The following PJA2 variants were observed in gnomAD, a reference collection of about 807,000 sequenced individuals.
PJA2 encodes the protein E3 ubiquitin-protein ligase Praja-2.
PJA2 carries 25 observed loss-of-function variants against 69.3 expected under a neutral mutation model. That is an observed-to-expected ratio of 0.36 (90% CI 0.26 to 0.50). The LOEUF (loss-of-function observed/expected upper bound fraction) is 0.50. Among genes scored for constraint, PJA2 ranks in the 20% least tolerant of loss-of-function variants. PJA2 has a pLI of 0.96. For missense variants in PJA2, 809 were observed against 830.2 expected, an observed-to-expected ratio of 0.97 and a Z score of 0.31; for synonymous variants, 308 against 277.8, an observed-to-expected ratio of 1.11 and a Z score of -1.08.
chr5:109,348,768 C>T (rs1232824888), intron 7 of PJA2, among the ~76,000 whole-genome samples: 1 of 152,124 alleles, frequency 6.6e-6, no homozygotes, highest in Non-Finnish European at 1.5e-5. Flanking sequence ...TGGCTGAGGG[C>T]AGGGAAAATA....
rs73209517 is a variant in PJA2, at chr5:109,384,556, A to G, written c.-87-1036T>C. ...TTATTTAAACACTTGAGCTACTGCT[A>G]ATTGCTCATCATTAATGCAATAGCT... is the stretch of plus-strand genomic sequence containing the variant. On this transcript the variant is annotated intron_variant, in intron 1 of 9. Coordinates refer to ENST00000361189, the MANE Select transcript of PJA2 (RefSeq NM_014819.5). Among the ~76,000 whole-genome samples, 1,281 of 152,296 alleles carry G rather than the reference A, an allele frequency of 8.4e-3. 14 individuals are homozygous for G. Among genetic ancestry groups the G allele is most frequent in the African/African-American group, 0.029 (1,219 of 41,558 alleles).
chr5:109,343,446 A>G (rs437112), intron 9 of PJA2, among the ~76,000 whole-genome samples: 74,584 of 150,554 alleles, frequency 0.5, 19,805 homozygotes, highest in Middle Eastern at 0.6. Flanking sequence ...GTTATTAAGT[A>G]TCTCTCATAT....
At chr5:109,345,067 G>A (rs1762150645) in intron 7 of PJA2, among the ~76,000 whole-genome samples, 1 of 151,732 alleles carries the variant, frequency 6.6e-6, no homozygotes, top group Non-Finnish European at 1.5e-5. Flanking sequence ...TCTCGGCCGG[G>A]CGCAATGGCT....
At chr5:109,383,365 CAAG>C (rs756285223) in intron 2 of PJA2, 35 bp downstream of exon 2, 7 of 1,601,552 alleles carry the variant, frequency 4.4e-6, no homozygotes, top group African/African-American at 1.3e-5. Flanking sequence ...GAGGAAAAAA[CAAG>C]AAGTACTCAA....
chr5:109,365,484 C>A (rs1007265301), intron 5 of PJA2, among the ~76,000 whole-genome samples: 1 of 152,030 alleles, frequency 6.6e-6, no homozygotes, highest in Non-Finnish European at 1.5e-5. Context: ...TTTATGTGTA[C>A]GGAAGATCTT....
At chr5:109,347,392 G>C (rs1450991021) in intron 7 of PJA2, among the ~76,000 whole-genome samples, 1 of 152,236 alleles carries the variant, frequency 6.6e-6, no homozygotes, top group East Asian at 1.9e-4. Context: ...AGTGTGCCAG[G>C]CTTCCCTGTG....
chr5:109,341,967 C>G (rs1267721796), intron 9 of PJA2, among the ~76,000 whole-genome samples: 1 of 128,554 alleles, frequency 7.8e-6, no homozygotes, highest in African/African-American at 2.9e-5. Context: ...AGGAGCCCCT[C>G]TGCCCGGCCA....
chr5:109,387,346 G>A (rs1177907791), intron 1 of PJA2, among the ~76,000 whole-genome samples: 1 of 152,004 alleles, frequency 6.6e-6, no homozygotes, highest in Admixed American at 6.6e-5. Flanking sequence ...AAGAAAAAAA[G>A]CAAAACAGGG....
chr5:109,352,856 TATC>T (rs1762279594), intron 7 of PJA2, among the ~76,000 whole-genome samples: 1 of 150,458 alleles, frequency 6.6e-6, no homozygotes, highest in Non-Finnish European at 1.5e-5. Context: ...ATATCTACAA[TATC>T]ATAGACATCT....
intron 4 of PJA2, among the ~76,000 whole-genome samples, chr5:109,375,784 G>A (rs1433171370): frequency 6.6e-6 from 1 of 152,108 alleles, no homozygotes; most frequent in Non-Finnish European, 1.5e-5. Context: ...TCAGGGAGAT[G>A]AACAAGGGCA....
chr5:109,393,688 T>C (rs1747333814), intron 1 of PJA2, among the ~76,000 whole-genome samples: 1 of 152,058 alleles, frequency 6.6e-6, no homozygotes, highest in Non-Finnish European at 1.5e-5. Context: ...CCATAATAAT[T>C]CCAAACTGTA....
chr5:109,342,538 C>T (rs1477527365), intron 9 of PJA2, among the ~76,000 whole-genome samples: 4 of 122,460 alleles, frequency 3.3e-5, no homozygotes, highest in Non-Finnish European at 7.0e-5. Context: ...GGGTCAGCTC[C>T]CCCACCCGGC....
chr5:109,367,475 A>C lies in PJA2; in HGVS notation c.1469+1086T>G, dbSNP rs1582604200. Among the ~76,000 whole-genome samples the C allele has an allele frequency of 2.6e-5, 4 of 152,092 alleles. No individual in the cohort carries two copies. The East Asian group carries it at 7.7e-4, about 29-fold the overall frequency. ...TATCATAGAAAAAAATTAAATTATC[A>C]AAAAGATATTCTACAATAAAACAAG... On this transcript the variant is annotated intron_variant, in intron 5 of 9. Transcript: ENST00000361189.
chr5:109,339,376 C>T (rs776337397), intron 9 of PJA2, among the ~76,000 whole-genome samples: 8 of 152,138 alleles, frequency 5.3e-5, no homozygotes, highest in Non-Finnish European at 8.8e-5. Flanking sequence ...CCTAAAAGCC[C>T]TGACTTGACC....
rs75679188 is a variant in PJA2, at chr5:109,394,039, CTTTTTT to C, written c.-87-10525_-87-10520del. ...GATGTGCTAGTAACATTCTAATTCT[CTTTTTT>C]TTTTTTTTTTTTTTTTTTTGGAGAC... is the stretch of plus-strand genomic sequence containing the variant. On this transcript the variant is annotated intron_variant, in intron 1 of 9. Transcript: ENST00000361189. Among the ~76,000 whole-genome samples, 162 of 81,864 alleles carry C rather than the reference CTTTTTT, an allele frequency of 2.0e-3. 1 individual carries two copies. In the South Asian group the frequency reaches 0.045, roughly 23 times the overall value. The allele number at this position is 81,864 out of a possible 152,430, so 53.7% of individuals were successfully genotyped here.
intron 3 of PJA2, among the ~76,000 whole-genome samples, chr5:109,380,583 G>A (rs935294230): frequency 4.6e-5 from 7 of 150,690 alleles, no homozygotes; most frequent in East Asian, 2.0e-4. Flanking sequence ...TGAGTTGGAC[G>A]GACCACTTGA....
chr5:109,340,445 T>C (rs1358634007), intron 9 of PJA2, among the ~76,000 whole-genome samples: 2 of 151,718 alleles, frequency 1.3e-5, no homozygotes, highest in East Asian at 3.9e-4. Flanking sequence ...CACTGGTTTA[T>C]AGGGAAGAAA....
At chr5:109,353,471 A>C (rs1239190603) in intron 7 of PJA2, among the ~76,000 whole-genome samples, 1 of 106,880 alleles carries the variant, frequency 9.4e-6, no homozygotes, top group Non-Finnish European at 2.2e-5. Flanking sequence ...ACCTATATCT[A>C]TAGATATCTA....
chr5:109,355,661 A>G (rs949257432), intron 7 of PJA2, among the ~76,000 whole-genome samples: 2 of 152,254 alleles, frequency 1.3e-5, no homozygotes, highest in South Asian at 4.1e-4. Flanking sequence ...AGAAAAAAGT[A>G]TATTTTCTAA....
Sources: allele counts gnomAD v4.1 joint callset (sites outside exome capture counted in the v4.1 genomes callset), GRCh38; gene constraint gnomAD v4.1.1; transcripts MANE v1.5; gene names NCBI Gene and HGNC (gene_info 2026-07-23, HGNC 2026-07-21).